TMX1: variants seen among roughly 807,000 people sequenced by gnomAD.
TMX1 encodes the protein thioredoxin-related transmembrane protein 1.
A neutral mutation model predicts 36.6 loss-of-function variants in TMX1; 25 were observed. The observed-to-expected ratio is 0.68, with a 90% CI of 0.50 to 0.95. The LOEUF is 0.95. Ranked by LOEUF, TMX1 falls within the 40% of genes least tolerant of loss-of-function variation. The pLI is 0.00. For synonymous variants in TMX1, 133 were observed against 118.0 expected (o/e 1.13, Z -0.82); for missense variants, 347 against 339.6 (o/e 1.02, Z -0.17).
chr14:51,240,518 G>A (rs2065755461), intron 1 of TMX1, 74 bp downstream of exon 1: 1 of 1,548,346 alleles, frequency 6.5e-7, no homozygotes, highest in African/African-American at 1.4e-5. Flanking sequence ...CCTCGTGCGG[G>A]TCGCAGGCTC....
At chr14:51,249,868 T>A in intron 7 of TMX1, 103 bp downstream of exon 7, 1 of 835,726 alleles carries the variant, frequency 1.2e-6, no homozygotes, top group Non-Finnish European at 1.8e-6. Flanking sequence ...CTTAGAATTC[T>A]AACTGTGGAT....
Position 51,249,342 on chromosome 14 carries a change from G to C in TMX1, c.460G>C (p.Ala154Pro). 3 of 1,606,964 alleles carry C rather than the reference G, an allele frequency of 1.9e-6. No homozygotes were observed. The highest frequency in any genetic ancestry group is 2.5e-6 in the Non-Finnish European group (3 of 1,177,790). Reference protein sequence around the residue: ...PGSVLMSSMSALFQLSMWIRT... With the variant: ...PGSVLMSSMSPLFQLSMWIRT... ...TATTTTTAGGATGAGTAGTATGTCA[G>C]CACTCTTTCAGCTATCTATGTGGAT... Residue 154 changes from alanine (A) to proline (P), a missense_variant, in exon 5 of 8, where the codon GCA (alanine) becomes CCA (proline). Coordinates refer to ENST00000457354, the MANE Select transcript of TMX1 (RefSeq NM_030755.5).
chr14:51,249,510 T>A lies in TMX1; in HGVS notation c.532T>A (p.Trp178Arg). The A allele has an allele frequency of 1.2e-6, 2 of 1,613,820 alleles. No homozygotes were observed. Among genetic ancestry groups the A allele is most frequent in the Non-Finnish European group, 1.7e-6 (2 of 1,179,894 alleles). ...YFIEDLGLPV[W>R]GSYTVFALAT... ...TATTGAAGACCTTGGATTGCCAGTG[T>A]GGGGATCATATACTGTTTTTGCTTT... Residue 178 changes from tryptophan (W) to arginine (R), a missense_variant, in exon 6 of 8, where the codon TGG (tryptophan) becomes AGG (arginine). Coordinates refer to ENST00000457354, the MANE Select transcript of TMX1 (RefSeq NM_030755.5).
chr14:51,254,095 A>G, intron 7 of TMX1: 1 of 295,930 alleles, frequency 3.4e-6, no homozygotes, highest in East Asian at 7.2e-5. Flanking sequence ...CATTAATTTC[A>G]GTTCAGTTTA....
chr14:51,251,872 T>G (rs1282126774), intron 7 of TMX1, among the ~76,000 whole-genome samples: 1 of 152,184 alleles, frequency 6.6e-6, no homozygotes, highest in Admixed American at 6.5e-5. Context: ...GACCACTATT[T>G]GAGAACCCCT....
chr14:51,245,486 A>T, intron 3 of TMX1, 128 bp downstream of exon 3: 1 of 1,541,372 alleles, frequency 6.5e-7, no homozygotes. Flanking sequence ...GGTATTTTAG[A>T]GGGCTTGTTT....
At chr14:51,254,242 C>A (rs2139859689) in intron 7 of TMX1, 99 bp from the exon 8 acceptor site, 2 of 1,010,886 alleles carry the variant, frequency 2.0e-6, no homozygotes, top group South Asian at 2.8e-5. Context: ...AAATTTATGC[C>A]AAAGCAGTTT....
In TMX1 at chr14:51,240,363, C is replaced by A. The variant is rs781017051; in HGVS notation, c.71C>A (p.Thr24Lys). 1 of 1,614,002 alleles carries A rather than the reference C, an allele frequency of 6.2e-7. No individual in the cohort carries two copies. Among genetic ancestry groups the A allele is most frequent in the South Asian group, 1.1e-5 (1 of 91,076 alleles). The change falls in exon 1 of 8, where the codon ACG becomes AAG. Residue 24 changes from threonine (T) to lysine (K), a missense_variant. Coordinates refer to ENST00000457354, the MANE Select transcript of TMX1 (RefSeq NM_030755.5). ...LVLLLWGAPWTHGRRSNVRVI... is the reference protein window; with the variant it reads ...LVLLLWGAPWKHGRRSNVRVI... ...CTGTTGCTTTGGGGTGCTCCCTGGA[C>A]GCACGGGCGGCGGAGCAACGTTCGC...
chr14:51,240,386 C>T lies in TMX1; in HGVS notation c.94C>T (p.Arg32Cys), dbSNP rs1255727201. 7 of 1,613,938 alleles carry T rather than the reference C, an allele frequency of 4.3e-6. No homozygotes were observed. The highest frequency in any genetic ancestry group is 2.7e-5 in the African/African-American group (2 of 74,942). The change falls in exon 1 of 8, where the codon CGC becomes TGC. Residue 32 changes from arginine (R) to cysteine (C), a missense_variant. By Grantham distance (180) the Arg-to-Cys change is radical. Transcript: ENST00000457354. The stretch of plus-strand genomic sequence containing the variant: ...GACGCACGGGCGGCGGAGCAACGTT[C>T]GCGTCATCACGGACGAGAACTGGAG... ...PWTHGRRSNVRVITDENWREL... is the reference protein window; with the variant it reads ...PWTHGRRSNVCVITDENWREL...
At position 51,254,658 on chromosome 14, in the gene TMX1, A is replaced by C; in HGVS notation, c.*139A>C. 1.4e-6 allele frequency: 1 copy of C among 701,462 alleles called. No homozygotes were observed. The highest frequency in any genetic ancestry group is 2.3e-6 in the Non-Finnish European group (1 of 443,624). The allele number at this position is 701,462 out of a possible 1,614,324, so 43.5% of individuals were successfully genotyped here. On this transcript the variant is annotated 3_prime_UTR_variant, in exon 8 of 8. Coordinates refer to ENST00000457354, the MANE Select transcript of TMX1 (RefSeq NM_030755.5). Reference sequence around the variant, plus strand: ...ATTGTCATTAAATTGAAGAGTCTACATTCAGAACATAAAAGCACTAGGTAT... The same window carrying C: ...ATTGTCATTAAATTGAAGAGTCTACCTTCAGAACATAAAAGCACTAGGTAT...
rs767194368 is a variant in TMX1 at position 51,255,158 on chromosome 14, A to G, written c.*639A>G. The stretch of plus-strand genomic sequence containing the variant: ...TCATGGTATTCTCTTGATTCCAACA[A>G]AGTTTGATTTTCTCTTGTATTTTTC... On this transcript the variant is annotated 3_prime_UTR_variant, in exon 8 of 8. Coordinates refer to ENST00000457354, the MANE Select transcript of TMX1 (RefSeq NM_030755.5). The G allele has an allele frequency of 2.0e-5, 3 of 151,986 alleles. No homozygotes were observed. The highest frequency in any genetic ancestry group is 4.4e-5 in the Non-Finnish European group (3 of 67,908). The allele number at this position is 151,986 out of a possible 1,614,324, so 9.4% of individuals were successfully genotyped here.
At chr14:51,250,693 G>C (rs61984158) in intron 7 of TMX1, among the ~76,000 whole-genome samples, 4 of 152,038 alleles carry the variant, frequency 2.6e-5, no homozygotes, top group Admixed American at 2.6e-4. Context: ...GGGTTTCACT[G>C]TGTTAGCCAG....
chr14:51,247,550 G>A (rs1411831694), intron 4 of TMX1, among the ~76,000 whole-genome samples: 1 of 151,760 alleles, frequency 6.6e-6, no homozygotes, highest in African/African-American at 2.4e-5. Flanking sequence ...GTAGAGACGG[G>A]GTTTCACTGT....
At chr14:51,247,284 A>T in intron 4 of TMX1, 64 bp downstream of exon 4, 4 of 1,461,142 alleles carry the variant, frequency 2.7e-6, no homozygotes, top group Admixed American at 4.2e-5. Flanking sequence ...ATTATATTTT[A>T]TGTAAAGCAT....
Position 51,243,843 on chromosome 14 carries a change from C to A in TMX1, c.153-13C>A. ...TGCTTAACTTTTTTTAAAAAAAAATCTGTATTTCTTAGTTATGCCCCGTGG... is the reference window on the plus strand; with the variant it reads ...TGCTTAACTTTTTTTAAAAAAAAATATGTATTTCTTAGTTATGCCCCGTGG... On this transcript the variant is annotated splice_polypyrimidine_tract_variant and intron_variant, in intron 1 of 7. Transcript: ENST00000457354. The A allele has an allele frequency of 1.3e-6, 2 of 1,570,926 alleles. No homozygotes were observed. Among genetic ancestry groups the A allele is most frequent in the South Asian group, 1.2e-5 (1 of 81,404 alleles).
chr14:51,243,860 G>A lies in TMX1; in HGVS notation c.157G>A (p.Ala53Thr), dbSNP rs777875202. Reference sequence around the variant, plus strand: ...AAAAAAATCTGTATTTCTTAGTTATGCCCCGTGGTGCCCTGCTTGTCAAAA... The same window carrying A: ...AAAAAAATCTGTATTTCTTAGTTATACCCCGTGGTGCCCTGCTTGTCAAAA... ...LEGDWMIEFY[A>T]PWCPACQNLQ... Residue 53 changes from alanine (A) to threonine (T), a missense_variant, in exon 2 of 8, where the codon GCC becomes ACC. Ala to Thr is a moderately conservative substitution (Grantham distance 58). Transcript: ENST00000457354. 3 of 1,604,626 alleles carry A rather than the reference G, an allele frequency of 1.9e-6. No individual in the cohort carries two copies. Among genetic ancestry groups the A allele is most frequent in the African/African-American group, 1.3e-5 (1 of 74,666 alleles).
rs755925172 is a variant in TMX1 at position 51,240,259 on chromosome 14, G to A, written c.-34G>A. On this transcript the variant is annotated 5_prime_UTR_variant, in exon 1 of 8. Coordinates refer to ENST00000457354, the MANE Select transcript of TMX1 (RefSeq NM_030755.5). ...CCGCGAGGGCGGAAGTGGGAGCTGC[G>A]ACCGCGCTCCCTGTGAGGTGGGCAA... The A allele has an allele frequency of 6.2e-6, 10 of 1,601,060 alleles. No individual in the cohort carries two copies. Among genetic ancestry groups the A allele is most frequent in the Non-Finnish European group, 8.5e-6 (10 of 1,177,392 alleles).
At position 51,255,823 on chromosome 14, in the gene TMX1, A is replaced by T. The variant is rs1190752140; in HGVS notation, c.*1304A>T. ...AATCATAAATACAATGAATCAACTG[A>T]CCATTACGTAGTAGACAATTTCTGT... On this transcript the variant is annotated 3_prime_UTR_variant, in exon 8 of 8. Transcript: ENST00000457354. 1 of 152,174 alleles carries T rather than the reference A, an allele frequency of 6.6e-6. No individual in the cohort carries two copies. The highest frequency in any genetic ancestry group is 2.4e-5 in the African/African-American group (1 of 41,416). 9.4% of individuals were successfully genotyped at this position (152,174 alleles called of 1,614,324 possible).
At chr14:51,247,304 G>C in intron 4 of TMX1, 84 bp downstream of exon 4, 1 of 1,281,674 alleles carries the variant, frequency 7.8e-7, no homozygotes, top group African/African-American at 1.6e-5. Context: ...TTCATACTCA[G>C]TTTGTTTCTT....
Sources: allele counts gnomAD v4.1 joint callset (sites outside exome capture counted in the v4.1 genomes callset), GRCh38; gene constraint gnomAD v4.1.1; transcripts MANE v1.5; gene names NCBI Gene and HGNC (gene_info 2026-07-23, HGNC 2026-07-21).